The following TC2N variants were observed in gnomAD, a reference collection of about 807,000 sequenced individuals.
TC2N encodes the protein tandem C2 domains, nuclear.
TC2N carries 51 observed loss-of-function variants against 61.9 expected under a neutral mutation model. That is an observed-to-expected ratio of 0.82 (90% CI 0.66 to 1.04). The LOEUF is 1.04. TC2N is among the 50% of genes least tolerant of loss of function. TC2N has a pLI of 0.00. For synonymous variants in TC2N, 204 were observed against 192.6 expected (o/e 1.06, Z -0.49); for missense variants, 556 against 566.7 (o/e 0.98, Z 0.19).
intron 1 of TC2N, among the ~76,000 whole-genome samples, chr14:91,844,865 T>C (rs1004733024): frequency 1.3e-5 from 2 of 151,668 alleles, no homozygotes; most frequent in Non-Finnish European, 2.9e-5. Flanking sequence ...TCAACATACT[T>C]GGGGATGACA....
intron 3 of TC2N, among the ~76,000 whole-genome samples, chr14:91,807,212 T>A (rs1886550040): frequency 6.6e-6 from 1 of 152,200 alleles, no homozygotes; most frequent in African/African-American, 2.4e-5. Flanking sequence ...GAACCTCTGC[T>A]AGGGCAGTAT....
intron 1 of TC2N, among the ~76,000 whole-genome samples, chr14:91,821,610 A>G (rs1031791063): frequency 6.6e-6 from 1 of 152,054 alleles, no homozygotes; most frequent in African/African-American, 2.4e-5. Context: ...CTTAGACACA[A>G]CACCAAAAGC....
At position 91,780,450 on chromosome 14, in the gene TC2N, A is replaced by C. The variant is rs905213194; in HGVS notation, c.*2650T>G. 6.6e-6 allele frequency: 1 copy of C among 152,222 alleles called. No homozygotes were observed. Among genetic ancestry groups the C allele is most frequent in the Non-Finnish European group, 1.5e-5 (1 of 68,030 alleles). 9.4% of individuals were successfully genotyped at this position (152,222 alleles called of 1,614,324 possible). ...CTTAACAGTCTTGGTAAGAGATGAA[A>C]CTGATATACTTCAGAGGCCATTTCC... On this transcript the variant is annotated 3_prime_UTR_variant, in exon 12 of 12. Transcript: ENST00000435962.
In TC2N at chr14:91,814,153, T is replaced by TGA. The variant is rs145840886; in HGVS notation, c.-56-330_-56-329dup. On this transcript the variant is annotated intron_variant, in intron 1 of 11. Coordinates refer to ENST00000435962, the MANE Select transcript of TC2N (RefSeq NM_001128596.3). ...TAGAGTAACAAGAGGGGTGTGTTTA[T>TGA]GAGAGAGAGAGAGAGAGAAGGGACA... Among the ~76,000 whole-genome samples, 263 of 146,052 alleles carry TGA rather than the reference T, an allele frequency of 1.8e-3. 1 individual carries two copies. Among genetic ancestry groups the TGA allele is most frequent in the Middle Eastern group, 7.1e-3 (2 of 282 alleles).
intron 1 of TC2N, among the ~76,000 whole-genome samples, chr14:91,821,660 T>A (rs1338620156): frequency 6.6e-6 from 1 of 152,000 alleles, no homozygotes. Context: ...TAGATTTAAT[T>A]GAAATTAAAA....
At chr14:91,807,423 C>A (rs373023501) in intron 3 of TC2N, among the ~76,000 whole-genome samples, 5 of 152,198 alleles carry the variant, frequency 3.3e-5, no homozygotes, top group Admixed American at 2.0e-4. Flanking sequence ...CTTGCAAAGC[C>A]ACAGGGGTGG....
At chr14:91,791,678 T>G (rs1335865469) in intron 9 of TC2N, among the ~76,000 whole-genome samples, 1 of 152,186 alleles carries the variant, frequency 6.6e-6, no homozygotes, top group African/African-American at 2.4e-5. Context: ...CCTAATCTAT[T>G]TCAGGGCAAT....
At chr14:91,831,590 T>C (rs779138788) in intron 1 of TC2N, among the ~76,000 whole-genome samples, 7 of 152,150 alleles carry the variant, frequency 4.6e-5, no homozygotes, top group Non-Finnish European at 8.8e-5. Flanking sequence ...ACTTGATCTA[T>C]GATACTTGTA....
At chr14:91,841,429 T>C (rs905475166) in intron 1 of TC2N, among the ~76,000 whole-genome samples, 1 of 152,208 alleles carries the variant, frequency 6.6e-6, no homozygotes, top group Non-Finnish European at 1.5e-5. Flanking sequence ...AAAAGAAGAA[T>C]TGAGGCAAGA....
At position 91,780,012 on chromosome 14, in the gene TC2N, T is replaced by C. The variant is rs998770306; in HGVS notation, c.*3088A>G. On this transcript the variant is annotated 3_prime_UTR_variant, in exon 12 of 12. Coordinates refer to ENST00000435962, the MANE Select transcript of TC2N (RefSeq NM_001128596.3). ...ATGGTACTTCATATGGGCCCACTTT[T>C]CATAATTCTTTCAACTCAATGTTTT... 2.0e-5 allele frequency: 3 copies of C among 152,182 alleles called. No homozygotes were observed. Among genetic ancestry groups the C allele is most frequent in the Non-Finnish European group, 4.4e-5 (3 of 68,024 alleles). 9.4% of individuals were successfully genotyped at this position (152,182 alleles called of 1,614,324 possible).
At position 91,779,869 on chromosome 14, in the gene TC2N, C is replaced by T. The variant is rs1358633600; in HGVS notation, c.*3231G>A. On this transcript the variant is annotated 3_prime_UTR_variant, in exon 12 of 12. Transcript: ENST00000435962. ...AAACTCCACTAGGAGATTACTAAAA[C>T]TGTAGGCCACATTCATCTTCCTACA... 6.6e-6 allele frequency: 1 copy of T among 152,102 alleles called. No homozygotes were observed. The highest frequency in any genetic ancestry group is 2.4e-5 in the African/African-American group (1 of 41,418). The allele number at this position is 152,102 out of a possible 1,614,324, so 9.4% of individuals were successfully genotyped here.
rs757592093 is a variant in TC2N at position 91,802,270 on chromosome 14, C to T, written c.453G>A (p.Lys151=). 1.8e-5 allele frequency: 28 copies of T among 1,590,626 alleles called. No individual in the cohort carries two copies. Among genetic ancestry groups the T allele is most frequent in the Non-Finnish European group, 2.1e-5 (25 of 1,171,556 alleles). The change falls in exon 4 of 12, where the codon AAG becomes AAA. Residue 151 remains lysine (K), a synonymous_variant. Transcript: ENST00000435962. Reference sequence around the variant, plus strand: ...TCTTCATACCCGATCCATACAGTCTCTTCACTTCTGAACGGGGAGGAAAGC... The same window carrying T: ...TCTTCATACCCGATCCATACAGTCTTTTCACTTCTGAACGGGGAGGAAAGC... ...SRRFPPRSEV[K]RLYGSVCDLR... is the part of the protein sequence containing the mutation.
chr14:91,852,123 A>C (rs779182358), intron 1 of TC2N, among the ~76,000 whole-genome samples: 1 of 152,218 alleles, frequency 6.6e-6, no homozygotes, highest in East Asian at 1.9e-4. Flanking sequence ...AGCAATAGGC[A>C]TACTCTATTG....
At chr14:91,812,650 C>T in intron 2 of TC2N, 105 bp from the exon 3 acceptor site, 1 of 602,130 alleles carries the variant, frequency 1.7e-6, no homozygotes, top group Non-Finnish European at 2.9e-6. Context: ...AGAAGAAATT[C>T]CTGACACATA....
At chr14:91,809,812 T>C (rs533346653) in intron 3 of TC2N, among the ~76,000 whole-genome samples, 3 of 152,212 alleles carry the variant, frequency 2.0e-5, no homozygotes, top group African/African-American at 7.2e-5. Flanking sequence ...TTTTCAAATA[T>C]CTGTCTCATC....
chr14:91,782,949 C>T lies in TC2N; in HGVS notation c.*151G>A. ...GATAAAATTCATTACATTTTCTTAT[C>T]AAATTTTCTATCAGATACATTATAT... On this transcript the variant is annotated 3_prime_UTR_variant, in exon 12 of 12. Coordinates refer to ENST00000435962, the MANE Select transcript of TC2N (RefSeq NM_001128596.3). 4.1e-6 allele frequency: 2 copies of T among 492,734 alleles called. No individual in the cohort carries two copies. Among genetic ancestry groups the T allele is most frequent in the South Asian group, 3.7e-5 (1 of 27,210 alleles). 30.5% of individuals were successfully genotyped at this position (492,734 alleles called of 1,614,324 possible).
chr14:91,799,508 G>C (rs980805740), intron 5 of TC2N, among the ~76,000 whole-genome samples: 2 of 152,210 alleles, frequency 1.3e-5, no homozygotes, highest in Non-Finnish European at 2.9e-5. Context: ...CAGAGCTACT[G>C]AATTAAGAAC....
intron 10 of TC2N, among the ~76,000 whole-genome samples, chr14:91,785,833 G>A (rs533805071): frequency 2.9e-4 from 44 of 152,076 alleles, no homozygotes; most frequent in African/African-American, 1.0e-3. Context: ...AGAATAGCTT[G>A]TATAAACTAA....
intron 8 of TC2N, among the ~76,000 whole-genome samples, chr14:91,793,560 T>C (rs1885759716): frequency 6.6e-6 from 1 of 152,248 alleles, no homozygotes; most frequent in African/African-American, 2.4e-5. Context: ...ATTCTCATAA[T>C]AGTTCAAACT....
Sources: gnomAD v4.1 joint callset for allele counts (sites outside exome capture counted in the v4.1 genomes callset) on GRCh38, gnomAD v4.1.1 for gene constraint, MANE v1.5 for transcripts, NCBI Gene and HGNC (gene_info 2026-07-23, HGNC 2026-07-21) for gene names.